The following PAQR4 variants were observed in gnomAD, a reference collection of about 807,000 sequenced individuals.
The protein encoded by PAQR4 is progestin and adipoQ receptor family member 4, also known as progestin and adipoQ receptor family member IV.
In PAQR4, 26 loss-of-function variants were observed where a neutral mutation model predicts 20.9. The observed-to-expected ratio is 1.24, with a 90% CI of 0.91 to 1.73. The LOEUF is 1.73. Ranked by LOEUF, PAQR4 falls within the 40% of genes most tolerant of loss-of-function variation. PAQR4 has a pLI of 0.00. For synonymous variants in PAQR4, 193 were observed against 171.6 expected, an observed-to-expected ratio of 1.12 and a Z score of -0.97; for missense variants, 400 against 380.1, an observed-to-expected ratio of 1.05 and a Z score of -0.44.
In PAQR4 at chr16:2,973,483, A is replaced by G; in HGVS notation, c.*1535A>G. On this transcript the variant is annotated 3_prime_UTR_variant, in exon 3 of 3. Coordinates refer to ENST00000318782, the MANE Select transcript of PAQR4 (RefSeq NM_152341.5). ...TTTGAAATAAACTTTTAGTAAATGT[A>G]AGCCTTTCTGGAACTTCTTGTCTGC... 2.0e-6 allele frequency: 3 copies of G among 1,475,308 alleles called. No individual in the cohort carries two copies. Among genetic ancestry groups the G allele is most frequent in the Non-Finnish European group, 9.0e-7 (1 of 1,107,120 alleles). 91.4% of individuals were successfully genotyped at this position (1,475,308 alleles called of 1,614,324 possible). A position where few individuals can be genotyped will look rare whatever the true frequency, so the allele number is the denominator to read the frequency against.
At position 2,973,444 on chromosome 16, in the gene PAQR4, G is replaced by C; in HGVS notation, c.*1496G>C. The stretch of plus-strand genomic sequence containing the variant: ...CCCTCTGTCCTTTTCAGAACACATG[G>C]ACTTGGAGGCAGATTTGAAATAAAC... On this transcript the variant is annotated 3_prime_UTR_variant, in exon 3 of 3. Coordinates refer to ENST00000318782, the MANE Select transcript of PAQR4 (RefSeq NM_152341.5). 1 of 1,526,780 alleles carries C rather than the reference G, an allele frequency of 6.5e-7. No homozygotes were observed. 94.6% of individuals were successfully genotyped at this position (1,526,780 alleles called of 1,614,324 possible).
In PAQR4 at chr16:2,972,032, T is replaced by C; in HGVS notation, c.*84T>C. On this transcript the variant is annotated 3_prime_UTR_variant, in exon 3 of 3. Coordinates refer to ENST00000318782, the MANE Select transcript of PAQR4 (RefSeq NM_152341.5). The stretch of plus-strand genomic sequence containing the variant: ...CCCAACTCGTCTGCAAGGGGCTGGC[T>C]CCTTGGATGCTTCCAGCTCATGAGA... 5 of 1,302,644 alleles carry C rather than the reference T, an allele frequency of 3.8e-6. No individual in the cohort carries two copies. The highest frequency in any genetic ancestry group is 5.2e-6 in the Non-Finnish European group (5 of 968,446). The allele number at this position is 1,302,644 out of a possible 1,614,324, so 80.7% of individuals were successfully genotyped here.
intron 1 of PAQR4, 137 bp from the exon 2 acceptor site, chr16:2,971,020 T>C: frequency 1.2e-6 from 1 of 834,740 alleles, no homozygotes; most frequent in South Asian, 1.7e-5. Context: ...AGGGCCTGTC[T>C]CTGGCCAAGG....
In PAQR4 at chr16:2,972,463, G is replaced by C. The variant is rs1567380466; in HGVS notation, c.*515G>C. The C allele has an allele frequency of 1.4e-6, 1 of 705,664 alleles. No homozygotes were observed. The highest frequency in any genetic ancestry group is 2.3e-6 in the Non-Finnish European group (1 of 434,886). 43.7% of individuals were successfully genotyped at this position (705,664 alleles called of 1,614,324 possible). A position where few individuals can be genotyped will look rare whatever the true frequency, so the allele number is the denominator to read the frequency against. ...TGGAGTAAGGCATTCAGGACAAAAG[G>C]ACCAAGGGGGCGTGGACCCGTCTTG... On this transcript the variant is annotated 3_prime_UTR_variant, in exon 3 of 3. Coordinates refer to ENST00000318782, the MANE Select transcript of PAQR4 (RefSeq NM_152341.5).
chr16:2,971,802 G>A lies in PAQR4; in HGVS notation c.676G>A (p.Glu226Lys), dbSNP rs202239569. The change falls in exon 3 of 3, where the codon GAG (glutamate) becomes AAG (lysine). Residue 226 changes from glutamate (E) to lysine (K), a missense_variant. Glu to Lys is a moderately conservative substitution (Grantham distance 56). Transcript: ENST00000318782. ...GGLVNVARLP[E>K]RWGPGRFDYW... ...ACTGGTAAATGTAGCCCGTCTGCCC[G>A]AGCGCTGGGGACCTGGCCGCTTTGA... The A allele has an allele frequency of 1.5e-5, 24 of 1,612,840 alleles. No individual in the cohort carries two copies. The highest frequency in any genetic ancestry group is 9.9e-5 in the South Asian group (9 of 91,088).
intron 1 of PAQR4, 188 bp downstream of exon 1, chr16:2,970,028 CGGGTGGGG>C: frequency 1.3e-6 from 1 of 783,672 alleles, no homozygotes; most frequent in Non-Finnish European, 2.0e-6. Context: ...GTTTTCCCGG[CGGGTGGGG>C]GCCGGGTCAG....
intron 1 of PAQR4, 41 bp downstream of exon 1, chr16:2,969,881 G>A (rs760289840): frequency 6.2e-7 from 1 of 1,602,202 alleles, no homozygotes. Context: ...ACCCCCGGCC[G>A]CCCTACCTGC....
chr16:2,971,407 G>A (rs1244164254), intron 2 of PAQR4, 29 bp downstream of exon 2: 5 of 1,598,256 alleles, frequency 3.1e-6, no homozygotes, highest in Non-Finnish European at 4.3e-6. Flanking sequence ...GATGGGAGCT[G>A]GAGCCACCGG....
chr16:2,970,830 G>C (rs768309719), intron 1 of PAQR4: 2 of 513,074 alleles, frequency 3.9e-6, no homozygotes, highest in Non-Finnish European at 7.0e-6. Flanking sequence ...GGGGAGAGCA[G>C]TGTGGGAGTG....
Position 2,971,724 on chromosome 16 carries a change from C to G in PAQR4, c.598C>G (p.Pro200Ala), listed in dbSNP as rs941805661. The G allele has an allele frequency of 5.6e-6, 9 of 1,612,472 alleles. No individual in the cohort carries two copies. The African/African-American group carries it at 9.3e-5, about 17-fold the overall frequency. ...GGGAGTGGGTCTGGGTTCAGGGGCT[C>G]CAGGCTCCCTGCCCTGCTACCTGCG... ...ARGVGLGSGA[P>A]GSLPCYLRMD... The change falls in exon 3 of 3, where the codon CCA (proline) becomes GCA (alanine). Residue 200 changes from proline (P) to alanine (A), a missense_variant. Pro to Ala is a conservative substitution (Grantham distance 27). Transcript: ENST00000318782.
At position 2,971,552 on chromosome 16, in the gene PAQR4, G is replaced by C. The variant is rs1439199586; in HGVS notation, c.426G>C (p.Arg142Ser). 1 of 1,594,522 alleles carries C rather than the reference G, an allele frequency of 6.3e-7. No individual in the cohort carries two copies. The highest frequency in any genetic ancestry group is 1.3e-5 in the African/African-American group (1 of 74,812). Residue 142 changes from arginine to serine, a missense_variant, in exon 3 of 3, where the codon AGG (arginine) becomes AGC (serine). Arg to Ser is a moderately radical substitution (Grantham distance 110). Coordinates refer to ENST00000318782, the MANE Select transcript of PAQR4 (RefSeq NM_152341.5). Reference protein sequence around the residue: ...LPIIHCTLACRPWLRPAALVG... With the variant: ...LPIIHCTLACSPWLRPAALVG... ...TCATCCACTGCACCCTGGCCTGCAG[G>C]CCCTGGCTGCGCCCGGCTGCCCTGG...
chr16:2,973,274 C>T lies in PAQR4; in HGVS notation c.*1326C>T. On this transcript the variant is annotated 3_prime_UTR_variant, in exon 3 of 3. Transcript: ENST00000318782. The stretch of plus-strand genomic sequence containing the variant: ...CAGGGCTAGGGAGTGCCGGATGAAA[C>T]CAGCTCTGTCCCTGTGCAGGCTCCA... 6.7e-7 allele frequency: 1 copy of T among 1,488,328 alleles called. No homozygotes were observed. Among genetic ancestry groups the T allele is most frequent in the Non-Finnish European group, 8.9e-7 (1 of 1,118,816 alleles). The allele number at this position is 1,488,328 out of a possible 1,614,324, so 92.2% of individuals were successfully genotyped here.
At position 2,971,788 on chromosome 16, in the gene PAQR4, T is replaced by C. The variant is rs770509535; in HGVS notation, c.662T>C (p.Val221Ala). 1.2e-6 allele frequency: 2 copies of C among 1,612,934 alleles called. No individual in the cohort carries two copies. The highest frequency in any genetic ancestry group is 1.7e-6 in the Non-Finnish European group (2 of 1,179,908). The change falls in exon 3 of 3, where the codon GTA (valine) becomes GCA (alanine). Residue 221 changes from valine to alanine, a missense_variant. Coordinates refer to ENST00000318782, the MANE Select transcript of PAQR4 (RefSeq NM_152341.5). ...ALALLGGLVN[V>A]ARLPERWGPG... ...GCGCTGCTTGGGGGACTGGTAAATGTAGCCCGTCTGCCCGAGCGCTGGGGA... is the reference window on the plus strand; with the variant it reads ...GCGCTGCTTGGGGGACTGGTAAATGCAGCCCGTCTGCCCGAGCGCTGGGGA...
In PAQR4 at chr16:2,973,278, C is replaced by A; in HGVS notation, c.*1330C>A. The A allele has an allele frequency of 6.7e-7, 1 of 1,495,266 alleles. No individual in the cohort carries two copies. The highest frequency in any genetic ancestry group is 8.9e-7 in the Non-Finnish European group (1 of 1,122,404). 92.6% of individuals were successfully genotyped at this position (1,495,266 alleles called of 1,614,324 possible). A position where few individuals can be genotyped will look rare whatever the true frequency, so the allele number is the denominator to read the frequency against. The stretch of plus-strand genomic sequence containing the variant: ...GCTAGGGAGTGCCGGATGAAACCAG[C>A]TCTGTCCCTGTGCAGGCTCCAGGCT... On this transcript the variant is annotated 3_prime_UTR_variant, in exon 3 of 3. Coordinates refer to ENST00000318782, the MANE Select transcript of PAQR4 (RefSeq NM_152341.5).
chr16:2,969,631 G>T lies in PAQR4; in HGVS notation c.-44G>T, dbSNP rs1326493516. On this transcript the variant is annotated 5_prime_UTR_variant, in exon 1 of 3. Coordinates refer to ENST00000318782, the MANE Select transcript of PAQR4 (RefSeq NM_152341.5). ...GCGCTGCGGCCCCACTGAGGAGGAG[G>T]CTCGGGGACAGCAGGAGCACGGGCT... 19 of 1,449,520 alleles carry T rather than the reference G, an allele frequency of 1.3e-5. No individual in the cohort carries two copies. The highest frequency in any genetic ancestry group is 1.6e-5 in the Non-Finnish European group (18 of 1,104,176). The allele number at this position is 1,449,520 out of a possible 1,614,324, so 89.8% of individuals were successfully genotyped here. A position where few individuals can be genotyped will look rare whatever the true frequency, so the allele number is the denominator to read the frequency against.
chr16:2,969,938 C>A, intron 1 of PAQR4, 98 bp downstream of exon 1: 1 of 1,469,776 alleles, frequency 6.8e-7, no homozygotes, highest in South Asian at 1.3e-5. Flanking sequence ...GCGCCCAAGT[C>A]CAGGGCTGCC....
Position 2,969,855 on chromosome 16 carries a change from G to A in PAQR4, c.166+15G>A. ...CTACACGCACGGTGAGCCGCGTCCC[G>A]CAACGCGCTTCCCACACCCCCGGCC... is the stretch of plus-strand genomic sequence containing the variant. On this transcript the variant is annotated intron_variant, in intron 1 of 2. Transcript: ENST00000318782. The A allele has an allele frequency of 6.2e-7, 1 of 1,607,710 alleles. No homozygotes were observed.
chr16:2,970,025 C>G, intron 1 of PAQR4, 185 bp downstream of exon 1: 1 of 824,676 alleles, frequency 1.2e-6, no homozygotes, highest in Non-Finnish European at 1.8e-6. Context: ...TCCGTTTTCC[C>G]GGCGGGTGGG....
At chr16:2,971,124 A>G (rs770237492) in intron 1 of PAQR4, 33 bp from the exon 2 acceptor site, 2 of 1,603,988 alleles carry the variant, frequency 1.2e-6, no homozygotes, top group Non-Finnish European at 8.5e-7. Context: ...ATGTGACTGA[A>G]ACTATCTGGT....
Sources: gnomAD v4.1 joint callset for allele counts on GRCh38, gnomAD v4.1.1 for gene constraint, MANE v1.5 for transcripts, NCBI Gene and HGNC (gene_info 2026-07-23, HGNC 2026-07-21) for gene names.